The following LPP variants were observed in gnomAD, a reference collection of about 807,000 sequenced individuals.
The protein encoded by LPP is lipoma-preferred partner.
In LPP, 38 loss-of-function variants were observed where a neutral mutation model predicts 60.4. The ratio of observed to expected loss-of-function variants is 0.63; its 90% CI spans 0.49 to 0.83. The LOEUF (loss-of-function observed/expected upper bound fraction) is 0.83, where lower values mean the gene tolerates loss of function less well. Among genes scored for constraint, LPP ranks in the 40% least tolerant of loss-of-function variants. LPP has a pLI of 0.00. For synonymous variants in LPP, 328 were observed against 290.8 expected (o/e 1.13, Z -1.30); for missense variants, 902 against 783.6 (o/e 1.15, Z -1.80).
At chr3:188,387,453 G>A (rs917052579) in intron 3 of LPP, among the ~76,000 whole-genome samples, 3 of 151,598 alleles carry the variant, frequency 2.0e-5, no homozygotes, top group African/African-American at 4.9e-5. Context: ...TATCTTAATT[G>A]TTTCATTATT....
chr3:188,272,875 G>A (rs780437770), intron 2 of LPP, among the ~76,000 whole-genome samples: 3 of 152,132 alleles, frequency 2.0e-5, no homozygotes, highest in Non-Finnish European at 4.4e-5. Context: ...GGCGTATAAG[G>A]GCTTTATGTA....
intron 9 of LPP, among the ~76,000 whole-genome samples, chr3:188,825,251 C>G (rs979777219): frequency 2.3e-5 from 2 of 85,830 alleles, no homozygotes; most frequent in Non-Finnish European, 4.3e-5. Context: ...CTTTCTTTCT[C>G]TCTCTCTCTC....
At chr3:188,656,634 G>C (rs1853278479) in intron 7 of LPP, among the ~76,000 whole-genome samples, 1 of 152,176 alleles carries the variant, frequency 6.6e-6, no homozygotes, top group Non-Finnish European at 1.5e-5. Context: ...CCCATTTCCT[G>C]GTGGTTAAAT....
At chr3:188,423,287 A>G (rs184037331) in intron 4 of LPP, among the ~76,000 whole-genome samples, 102 of 152,056 alleles carry the variant, frequency 6.7e-4, no homozygotes, top group African/African-American at 2.4e-3. Context: ...ACTCATTTTT[A>G]TGGCTGCATA....
intron 6 of LPP, among the ~76,000 whole-genome samples, chr3:188,566,238 C>T (rs1291179850): frequency 2.0e-5 from 3 of 151,884 alleles, no homozygotes; most frequent in African/African-American, 4.8e-5. Context: ...TTCCTAATAA[C>T]CATGTTAGAA....
intron 7 of LPP, among the ~76,000 whole-genome samples, chr3:188,642,632 G>T (rs769058003): frequency 1.3e-5 from 2 of 152,146 alleles, no homozygotes; most frequent in Non-Finnish European, 2.9e-5. Flanking sequence ...GGTGATGGAC[G>T]CCATAAAAGT....
chr3:188,768,170 T>C (rs2150617812), intron 9 of LPP, among the ~76,000 whole-genome samples: 1 of 152,278 alleles, frequency 6.6e-6, no homozygotes, highest in South Asian at 2.1e-4. Flanking sequence ...AATGTGAAGC[T>C]ACTACTTGCA....
intron 7 of LPP, chr3:188,688,996 G>A: frequency 2.2e-6 from 1 of 449,742 alleles, no homozygotes; most frequent in East Asian, 6.7e-5. Context: ...TACCTCATCA[G>A]GGAAAGATTA....
At chr3:188,338,501 C>T (rs75718862) in intron 2 of LPP, among the ~76,000 whole-genome samples, 30 of 152,148 alleles carry the variant, frequency 2.0e-4, no homozygotes, top group Non-Finnish European at 3.5e-4. Context: ...TATTATTGGC[C>T]TTTTCGCAGT....
chr3:188,513,447 G>A (rs1579521929), intron 5 of LPP, among the ~76,000 whole-genome samples: 1 of 152,144 alleles, frequency 6.6e-6, no homozygotes, highest in Non-Finnish European at 1.5e-5. Context: ...TTTACCAGGG[G>A]ATCTGCTGCT....
At chr3:188,209,997 T>C (rs1170896503) in intron 1 of LPP, among the ~76,000 whole-genome samples, 1 of 151,962 alleles carries the variant, frequency 6.6e-6, no homozygotes, top group Admixed American at 6.6e-5. Context: ...GATAGCTTTG[T>C]TTCTATATAC....
chr3:188,482,562 A>T (rs138020290), intron 4 of LPP, among the ~76,000 whole-genome samples: 3 of 151,698 alleles, frequency 2.0e-5, no homozygotes, highest in African/African-American at 7.2e-5. Flanking sequence ...CTGGTGCCTG[A>T]CCCCCTCACT....
chr3:188,414,691 C>T (rs989061186), intron 4 of LPP, among the ~76,000 whole-genome samples: 2 of 152,118 alleles, frequency 1.3e-5, no homozygotes, highest in Non-Finnish European at 2.9e-5. Flanking sequence ...TTCACTAATA[C>T]ATTTCAGCGA....
chr3:188,677,791 G>T (rs1400609117), intron 7 of LPP, among the ~76,000 whole-genome samples: 1 of 152,046 alleles, frequency 6.6e-6, no homozygotes, highest in African/African-American at 2.4e-5. Flanking sequence ...AGCCCGGACT[G>T]TCCATTGTCA....
chr3:188,845,311 C>A (rs184997547), intron 9 of LPP, among the ~76,000 whole-genome samples: 1 of 152,180 alleles, frequency 6.6e-6, no homozygotes, highest in Non-Finnish European at 1.5e-5. Flanking sequence ...GGTCAAGGCT[C>A]AGACAGCCCC....
intron 7 of LPP, among the ~76,000 whole-genome samples, chr3:188,687,253 C>G (rs933632695): frequency 1.3e-5 from 2 of 152,190 alleles, no homozygotes; most frequent in Non-Finnish European, 2.9e-5. Flanking sequence ...CTCTCTCCCC[C>G]ACCCTGGTAT....
chr3:188,879,407 G>A lies in LPP; in HGVS notation c.*4928G>A, dbSNP rs1041986641. ...TTATGATTATATTCATAAGGGGAAG[G>A]CTACCAGAAAATATATGTGGCATCC... On this transcript the variant is annotated 3_prime_UTR_variant, in exon 12 of 12. Transcript: ENST00000617246. 3.3e-5 allele frequency: 7 copies of A among 214,188 alleles called. No homozygotes were observed. In the Admixed American group the frequency reaches 4.1e-4, roughly 13 times the overall value. The allele number at this position is 214,188 out of a possible 1,614,324, so 13.3% of individuals were successfully genotyped here. A position where few individuals can be genotyped will look rare whatever the true frequency, so the allele number is the denominator to read the frequency against.
intron 8 of LPP, among the ~76,000 whole-genome samples, chr3:188,727,538 G>A (rs1718877057): frequency 6.6e-6 from 1 of 152,104 alleles, no homozygotes; most frequent in Admixed American, 6.6e-5. Flanking sequence ...ATTCATAGAA[G>A]TTCTAGACAA....
chr3:188,585,895 A>G (rs1029030211), intron 6 of LPP, among the ~76,000 whole-genome samples: 4 of 152,214 alleles, frequency 2.6e-5, no homozygotes, highest in Admixed American at 6.5e-5. Context: ...TTTAGATAAC[A>G]CTGTTTTACA....
Sources: gnomAD v4.1 joint callset for allele counts (sites outside exome capture counted in the v4.1 genomes callset) on GRCh38, gnomAD v4.1.1 for gene constraint, MANE v1.5 for transcripts, NCBI Gene and HGNC (gene_info 2026-07-23, HGNC 2026-07-21) for gene names.